The following FNDC1 variants were observed in gnomAD, a reference collection of about 807,000 sequenced individuals.
FNDC1 encodes the protein fibronectin type III domain containing 1.
In FNDC1, 96 loss-of-function variants were observed where a neutral mutation model predicts 168.0. The ratio of observed to expected loss-of-function variants is 0.57; its 90% CI spans 0.48 to 0.68. FNDC1 has a LOEUF of 0.68. Ranked by LOEUF, FNDC1 falls within the 30% of genes least tolerant of loss-of-function variation. The probability of loss-of-function intolerance (pLI) is 0.00; values close to 1 mark genes in which losing one functional copy is unlikely to be tolerated. For synonymous variants in FNDC1, 1,099 were observed against 1,025.9 expected (o/e 1.07, Z -1.36); for missense variants, 2,587 against 2,482.1 (o/e 1.04, Z -0.90).
intron 4 of FNDC1, among the ~76,000 whole-genome samples, chr6:159,204,235 G>A (rs995831141): frequency 7.9e-5 from 12 of 152,054 alleles, no homozygotes; most frequent in Admixed American, 2.6e-4. Context: ...ACTGACTTCC[G>A]GGTTGCTCCC....
At chr6:159,210,193 C>T (rs541187077) in intron 4 of FNDC1, among the ~76,000 whole-genome samples, 4 of 152,302 alleles carry the variant, frequency 2.6e-5, no homozygotes, top group African/African-American at 7.2e-5. Flanking sequence ...GAGGACCTTC[C>T]CCTGGAGAAG....
chr6:159,252,403 T>C (rs1176495084), intron 17 of FNDC1, among the ~76,000 whole-genome samples: 1 of 152,228 alleles, frequency 6.6e-6, no homozygotes, highest in African/African-American at 2.4e-5. Flanking sequence ...CCCACTATTA[T>C]ATCTTACAAT....
chr6:159,269,455 CATCTATCTATCTATCT>C (rs71033526), intron 22 of FNDC1, among the ~76,000 whole-genome samples: 110 of 93,998 alleles, frequency 1.2e-3, no homozygotes, highest in African/African-American at 2.5e-3. Flanking sequence ...TACCTATTCA[CATCTATCTATCTATCT>C]ATCTATCTAT....
chr6:159,213,005 T>C (rs955586408), intron 4 of FNDC1, among the ~76,000 whole-genome samples: 6 of 152,228 alleles, frequency 3.9e-5, no homozygotes, highest in African/African-American at 1.4e-4. Context: ...ATGGGGGTGA[T>C]GAATCTATCC....
rs1782825618 is a variant in FNDC1 at position 159,221,592 on chromosome 6, C to T, written c.668-6C>T. On this transcript the variant is annotated splice_region_variant and splice_polypyrimidine_tract_variant and intron_variant, in intron 5 of 22. Transcript: ENST00000297267. ...AGAATCTCATCCCTCACTCCCTGGT[C>T]CACAGCCTCGGAATCCGTGTATGTG... The T allele has an allele frequency of 6.2e-7, 1 of 1,612,928 alleles. No individual in the cohort carries two copies. Among genetic ancestry groups the T allele is most frequent in the Non-Finnish European group, 8.5e-7 (1 of 1,178,926 alleles).
intron 4 of FNDC1, among the ~76,000 whole-genome samples, chr6:159,212,073 T>G (rs1782617524): frequency 1.3e-5 from 2 of 152,350 alleles, no homozygotes; most frequent in South Asian, 4.1e-4. Context: ...GTTTCTGAGG[T>G]CTACTGCAAT....
chr6:159,224,312 T>A (rs1245325159), intron 7 of FNDC1, among the ~76,000 whole-genome samples: 1 of 152,218 alleles, frequency 6.6e-6, no homozygotes, highest in Non-Finnish European at 1.5e-5. Context: ...TTCTAGTTAG[T>A]GGTAGATTAG....
At chr6:159,175,767 C>G (rs1294640577) in intron 1 of FNDC1, among the ~76,000 whole-genome samples, 1 of 152,200 alleles carries the variant, frequency 6.6e-6, no homozygotes, top group Non-Finnish European at 1.5e-5. Context: ...TAACCTGTTA[C>G]CCAAACTCTT....
At position 159,249,102 on chromosome 6, in the gene FNDC1, C is replaced by T. The variant is rs751949006; in HGVS notation, c.4754C>T (p.Pro1585Leu). 6.0e-5 allele frequency: 97 copies of T among 1,608,158 alleles called. No individual in the cohort carries two copies. Among genetic ancestry groups the T allele is most frequent in the Middle Eastern group, 3.3e-4 (2 of 6,058 alleles). The change falls in exon 16 of 23, where the codon CCG becomes CTG. Residue 1585 changes from proline (P) to leucine (L), a missense_variant. Physicochemically the swap from Pro to Leu is moderately conservative, Grantham distance 98. Transcript: ENST00000297267. ...GAGCCTTCGACCACTGCTACCACAC[C>T]GAGGGTGATCCCAGAGGAAGGCGCC... is the stretch of plus-strand genomic sequence containing the variant. ...TTEPSTTATT[P>L]RVIPEEGAIS...
In FNDC1 at chr6:159,250,075, G is replaced by A. The variant is rs186272609; in HGVS notation, c.4834+893G>A. Reference sequence around the variant, plus strand: ...ACTTCTCTCCCGGCAGTTCCATGACGGGAATTGAAATGCTTTCTGTGGTAT... The same window carrying A: ...ACTTCTCTCCCGGCAGTTCCATGACAGGAATTGAAATGCTTTCTGTGGTAT... On this transcript the variant is annotated intron_variant, in intron 16 of 22. Transcript: ENST00000297267. Among the ~76,000 whole-genome samples, 19 of 152,304 alleles carry A rather than the reference G, an allele frequency of 1.2e-4. No homozygotes were observed. The East Asian group carries it at 3.3e-3, about 26-fold the overall frequency.
chr6:159,181,153 G>A (rs1471457288), intron 1 of FNDC1, among the ~76,000 whole-genome samples: 1 of 152,152 alleles, frequency 6.6e-6, no homozygotes, highest in East Asian at 1.9e-4. Context: ...GTTGTTTCTT[G>A]ACTTCTTAAT....
At chr6:159,185,593 C>G (rs1338646791) in intron 1 of FNDC1, among the ~76,000 whole-genome samples, 1 of 152,186 alleles carries the variant, frequency 6.6e-6, no homozygotes, top group African/African-American at 2.4e-5. Context: ...TCATCATTCT[C>G]AAGATTGTCA....
intron 19 of FNDC1, among the ~76,000 whole-genome samples, chr6:159,262,798 ACCC>A (rs1777512315): frequency 6.6e-6 from 1 of 152,078 alleles, no homozygotes; most frequent in African/African-American, 2.4e-5. Context: ...TCAAGGCCCC[ACCC>A]TACCCTCTGA....
chr6:159,257,027 G>C (rs1373807122), intron 18 of FNDC1, among the ~76,000 whole-genome samples: 1 of 152,204 alleles, frequency 6.6e-6, no homozygotes, highest in Non-Finnish European at 1.5e-5. Context: ...CCCAAACTCT[G>C]TGACATAGAA....
chr6:159,179,163 A>G (rs1000920615), intron 1 of FNDC1, among the ~76,000 whole-genome samples: 25 of 152,232 alleles, frequency 1.6e-4, no homozygotes, highest in African/African-American at 5.8e-4. Flanking sequence ...TTCCATGAAC[A>G]TCAGTGGGTT....
chr6:159,256,501 T>G lies in FNDC1; in HGVS notation c.5066-22T>G, dbSNP rs761248341. The G allele has an allele frequency of 1.5e-5, 23 of 1,577,866 alleles. No homozygotes were observed. In the Admixed American group the frequency reaches 2.5e-4, roughly 17 times the overall value. The stretch of plus-strand genomic sequence containing the variant: ...ACTTGGTTCCTTGGTGTCCATTGGG[T>G]TTTTCCTGTTTCCATTTTCAGGTTA... On this transcript the variant is annotated intron_variant, in intron 17 of 22. Coordinates refer to ENST00000297267, the MANE Select transcript of FNDC1 (RefSeq NM_032532.3).
At chr6:159,174,981 A>G (rs1000006991) in intron 1 of FNDC1, among the ~76,000 whole-genome samples, 5 of 152,232 alleles carry the variant, frequency 3.3e-5, no homozygotes, top group African/African-American at 1.2e-4. Context: ...ATAATTATAT[A>G]CTATGTATTC....
chr6:159,210,735 G>T (rs1365306389), intron 4 of FNDC1, among the ~76,000 whole-genome samples: 1 of 152,168 alleles, frequency 6.6e-6, no homozygotes, highest in Non-Finnish European at 1.5e-5. Context: ...GCAGCACCGG[G>T]CCTGGGCATG....
intron 7 of FNDC1, among the ~76,000 whole-genome samples, chr6:159,225,214 A>G (rs1156794330): frequency 6.6e-6 from 1 of 151,432 alleles, no homozygotes. Flanking sequence ...CACACACACA[A>G]ACACATATCC....
Sources: gnomAD v4.1 joint callset for allele counts (sites outside exome capture counted in the v4.1 genomes callset) on GRCh38, gnomAD v4.1.1 for gene constraint, MANE v1.5 for transcripts, NCBI Gene and HGNC (gene_info 2026-07-23, HGNC 2026-07-21) for gene names.